The following JPH3 variants were observed in gnomAD, a reference collection of about 807,000 sequenced individuals.
JPH3 encodes junctophilin 3, also known as junctophilin-3.
In JPH3, 11 loss-of-function variants were observed where a neutral mutation model predicts 59.6. The ratio of observed to expected loss-of-function variants is 0.18; its 90% CI spans 0.12 to 0.31. JPH3 has a LOEUF of 0.31. JPH3 is among the 10% of genes least tolerant of loss of function. JPH3 has a pLI of 1.00. For missense variants in JPH3, 1,202 were observed against 1,105.7 expected, an observed-to-expected ratio of 1.09 and a Z score of -1.24; for synonymous variants, 673 against 483.6, an observed-to-expected ratio of 1.39 and a Z score of -5.14.
chr16:87,665,000 C>G (rs769144127), intron 2 of JPH3, among the ~76,000 whole-genome samples: 2 of 152,248 alleles, frequency 1.3e-5, no homozygotes, highest in African/African-American at 2.4e-5. Flanking sequence ...CAGGAGGCGT[C>G]TCCACCATCT....
chr16:87,623,364 G>GT (rs2031259263), intron 1 of JPH3, among the ~76,000 whole-genome samples: 1 of 152,168 alleles, frequency 6.6e-6, no homozygotes, highest in East Asian at 1.9e-4. Flanking sequence ...CAGGGTGGGC[G>GT]TGAGGCTCAT....
At chr16:87,617,269 T>C (rs1182028765) in intron 1 of JPH3, among the ~76,000 whole-genome samples, 2 of 152,182 alleles carry the variant, frequency 1.3e-5, no homozygotes, top group Middle Eastern at 3.4e-3. Flanking sequence ...AAATAGTCCT[T>C]TCTTTCTTAT....
At chr16:87,623,123 C>T (rs537245779) in intron 1 of JPH3, among the ~76,000 whole-genome samples, 13 of 152,348 alleles carry the variant, frequency 8.5e-5, no homozygotes, top group South Asian at 4.1e-4. Context: ...CTGCCCACCC[C>T]GGATACTGCC....
chr16:87,656,131 T>A (rs1280083591), intron 2 of JPH3, among the ~76,000 whole-genome samples: 1 of 152,210 alleles, frequency 6.6e-6, no homozygotes, highest in African/African-American at 2.4e-5. Context: ...GTGTATGCTG[T>A]GAGCCAGGAG....
At chr16:87,669,014 G>C (rs1260897380) in intron 2 of JPH3, among the ~76,000 whole-genome samples, 1 of 152,196 alleles carries the variant, frequency 6.6e-6, no homozygotes, top group Admixed American at 6.5e-5. Context: ...CGAGGCCTGT[G>C]GTAGCCCTGC....
rs954818880 is a variant in JPH3 at position 87,647,548 on chromosome 16, C to T, written c.1160+2513C>T. ...GCTTGCCTTCTGCACTGGCGGAGTCCGAGCTGACTCCGTCCCTTCGCCCGA... is the reference window on the plus strand; with the variant it reads ...GCTTGCCTTCTGCACTGGCGGAGTCTGAGCTGACTCCGTCCCTTCGCCCGA... On this transcript the variant is annotated intron_variant, in intron 2 of 4. Transcript: ENST00000284262. Among the ~76,000 whole-genome samples, 9 of 152,322 alleles carry T rather than the reference C, an allele frequency of 5.9e-5. No homozygotes were observed. In the South Asian group the frequency reaches 6.2e-4, roughly 11 times the overall value.
intron 1 of JPH3, chr16:87,604,146 C>T: frequency 7.3e-7 from 1 of 1,361,088 alleles, no homozygotes; most frequent in South Asian, 1.3e-5. Context: ...GAGGGAGGCC[C>T]ATCTGCTCAG....
At chr16:87,667,617 C>A (rs1031480531) in intron 2 of JPH3, among the ~76,000 whole-genome samples, 3 of 152,188 alleles carry the variant, frequency 2.0e-5, no homozygotes, top group South Asian at 4.1e-4. Context: ...TTAGTCCTCA[C>A]CTGTGACAGC....
At chr16:87,686,271 T>TTCCTAGAGGGCTCAG (rs2033414848) in intron 3 of JPH3, among the ~76,000 whole-genome samples, 1 of 151,990 alleles carries the variant, frequency 6.6e-6, no homozygotes, top group East Asian at 1.9e-4. Context: ...TCGGAGATGC[T>TTCCTAGAGGGCTCAG]TCCTGGAGGG....
chr16:87,626,077 G>A (rs963474275), intron 1 of JPH3, among the ~76,000 whole-genome samples: 2 of 152,296 alleles, frequency 1.3e-5, no homozygotes, highest in Admixed American at 1.3e-4. Context: ...TATCGGGGGT[G>A]TTTACCCTCC....
At chr16:87,621,690 A>G (rs77614000) in intron 1 of JPH3, among the ~76,000 whole-genome samples, 1,925 of 152,194 alleles carry the variant, frequency 0.013, 37 homozygotes, top group African/African-American at 0.044. Context: ...CCTCCCTGCA[A>G]TGAGGGTGGA....
At chr16:87,670,645 G>A (rs556807626) in intron 2 of JPH3, among the ~76,000 whole-genome samples, 1 of 152,382 alleles carries the variant, frequency 6.6e-6, no homozygotes, top group South Asian at 2.1e-4. Context: ...CACTGCGGAT[G>A]GGACGCAGGG....
intron 2 of JPH3, among the ~76,000 whole-genome samples, chr16:87,669,148 C>T (rs919365008): frequency 6.6e-6 from 1 of 152,214 alleles, no homozygotes; most frequent in Admixed American, 6.5e-5. Context: ...CAGCAGTGTT[C>T]TCTGCAGGGG....
chr16:87,636,710 C>G (rs2031761421), intron 1 of JPH3, among the ~76,000 whole-genome samples: 1 of 152,226 alleles, frequency 6.6e-6, no homozygotes, highest in East Asian at 1.9e-4. Flanking sequence ...CCACCAGGGG[C>G]AAAAATCCAA....
chr16:87,636,369 C>G (rs1428509606), intron 1 of JPH3, among the ~76,000 whole-genome samples: 3 of 152,164 alleles, frequency 2.0e-5, no homozygotes, highest in Non-Finnish European at 2.9e-5. Context: ...TTTACTTAAT[C>G]AAGCATAAAT....
In JPH3 at chr16:87,644,666, T is replaced by G. The variant is rs1470491010; in HGVS notation, c.791T>G (p.Ile264Ser). 2 of 1,611,562 alleles carry G rather than the reference T, an allele frequency of 1.2e-6. No homozygotes were observed. The highest frequency in any genetic ancestry group is 2.7e-5 in the African/African-American group (2 of 74,840). Residue 264 changes from isoleucine to serine, a missense_variant, in exon 2 of 5, where the codon ATC becomes AGC. Coordinates refer to ENST00000284262, the MANE Select transcript of JPH3 (RefSeq NM_020655.4). ...ACGGCCAGCGACATCCACTCCACCA[T>G]CAGCCTGGGCGAGGCTGAGGCCGAG... ...SSTASDIHSTISLGEAEAELA... is the reference protein window; with the variant it reads ...SSTASDIHSTSSLGEAEAELA...
chr16:87,674,571 G>A (rs2033098917), intron 2 of JPH3, among the ~76,000 whole-genome samples: 1 of 152,172 alleles, frequency 6.6e-6, no homozygotes, highest in South Asian at 2.1e-4. Flanking sequence ...CCCCATTTGT[G>A]CGGCAAAAAT....
chr16:87,677,212 A>C (rs2033168570), intron 2 of JPH3, among the ~76,000 whole-genome samples: 1 of 119,858 alleles, frequency 8.3e-6, no homozygotes, highest in Non-Finnish European at 1.7e-5. Context: ...ACACACACAC[A>C]CACACACACA....
In JPH3 at chr16:87,697,971, G is replaced by C. The variant is rs2033969000; in HGVS notation, c.*1311G>C. ...CCATACGCAGGACCCCTGTGCCCGG[G>C]GAGGCGCTGCAGGGATTCCCCATCC... On this transcript the variant is annotated 3_prime_UTR_variant, in exon 5 of 5. Coordinates refer to ENST00000284262, the MANE Select transcript of JPH3 (RefSeq NM_020655.4). 2.0e-5 allele frequency: 3 copies of C among 152,584 alleles called. No homozygotes were observed. Among genetic ancestry groups the C allele is most frequent in the African/African-American group, 7.2e-5 (3 of 41,460 alleles). The allele number at this position is 152,584 out of a possible 1,614,324, so 9.5% of individuals were successfully genotyped here.
Sources: gnomAD v4.1 joint callset for allele counts (sites outside exome capture counted in the v4.1 genomes callset) on GRCh38, gnomAD v4.1.1 for gene constraint, MANE v1.5 for transcripts, NCBI Gene and HGNC (gene_info 2026-07-23, HGNC 2026-07-21) for gene names.